The following KCNJ6 variants were observed in gnomAD, a reference collection of about 807,000 sequenced individuals.
KCNJ6 encodes the protein G protein-activated inward rectifier potassium channel 2.
KCNJ6 carries 9 observed loss-of-function variants against 34.2 expected under a neutral mutation model. That is an observed-to-expected ratio of 0.26 (90% confidence interval 0.16 to 0.46). The LOEUF (loss-of-function observed/expected upper bound fraction) is 0.46, where lower values mean the gene tolerates loss of function less well. Ranked by LOEUF, KCNJ6 falls within the 20% of genes least tolerant of loss-of-function variation. The pLI is 1.00. For synonymous variants in KCNJ6, 196 were observed against 207.1 expected (o/e 0.95, Z 0.46); for missense variants, 236 against 531.3 (o/e 0.44, Z 5.46).
intron 1 of KCNJ6, among the ~76,000 whole-genome samples, chr21:37,846,020 A>G (rs2055505184): frequency 6.6e-6 from 1 of 152,150 alleles, no homozygotes; most frequent in South Asian, 2.1e-4. Context: ...ATGTTCACAG[A>G]TGCTGAAAAA....
chr21:37,852,545 G>C (rs1402750646), intron 1 of KCNJ6, among the ~76,000 whole-genome samples: 1 of 152,236 alleles, frequency 6.6e-6, no homozygotes, highest in Middle Eastern at 3.2e-3. Context: ...AGTGAGCAAT[G>C]AGGTGGTTCC....
At chr21:37,688,357 G>A (rs2054624609) in intron 3 of KCNJ6, among the ~76,000 whole-genome samples, 1 of 141,806 alleles carries the variant, frequency 7.1e-6, no homozygotes, top group Non-Finnish European at 1.5e-5. Context: ...AGATACACCC[G>A]TATTTTAAAA....
chr21:37,892,969 C>A (rs190019903), intron 1 of KCNJ6, among the ~76,000 whole-genome samples: 5 of 151,698 alleles, frequency 3.3e-5, no homozygotes, highest in African/African-American at 1.2e-4. Flanking sequence ...TCTCCTGCCT[C>A]AGCCTCCCGA....
intron 2 of KCNJ6, among the ~76,000 whole-genome samples, chr21:37,731,677 A>G (rs751488400): frequency 1.1e-4 from 17 of 152,240 alleles, no homozygotes; most frequent in Non-Finnish European, 2.5e-4. Flanking sequence ...CAGAAGCATG[A>G]AACACCCAAG....
At chr21:37,638,868 T>C (rs1273385302) in intron 3 of KCNJ6, among the ~76,000 whole-genome samples, 1 of 152,220 alleles carries the variant, frequency 6.6e-6, no homozygotes, top group Non-Finnish European at 1.5e-5. Flanking sequence ...AGAATCTGAA[T>C]TCTCAACAAC....
chr21:37,904,114 C>T (rs2055830182), intron 1 of KCNJ6, among the ~76,000 whole-genome samples: 1 of 152,164 alleles, frequency 6.6e-6, no homozygotes, highest in Non-Finnish European at 1.5e-5. Flanking sequence ...CAATGTGATC[C>T]TTTCTATTAG....
intron 1 of KCNJ6, among the ~76,000 whole-genome samples, chr21:37,882,023 T>C (rs2123624429): frequency 6.6e-6 from 1 of 152,292 alleles, no homozygotes; most frequent in East Asian, 1.9e-4. Flanking sequence ...GCCCTGTCTT[T>C]GGAAGCATCC....
intron 1 of KCNJ6, among the ~76,000 whole-genome samples, chr21:37,841,670 T>C (rs1398382105): frequency 6.6e-6 from 1 of 152,266 alleles, no homozygotes; most frequent in African/African-American, 2.4e-5. Flanking sequence ...ATATGTCATA[T>C]ACACATTTTG....
chr21:37,772,478 T>C (rs1186915254), intron 2 of KCNJ6, among the ~76,000 whole-genome samples: 1 of 152,192 alleles, frequency 6.6e-6, no homozygotes, highest in African/African-American at 2.4e-5. Context: ...AGAATCGTCA[T>C]ACTTTTAAAT....
rs1366976876 is a variant in KCNJ6, at chr21:37,623,066, T to C, written c.*2093A>G. 2 of 152,090 alleles carry C rather than the reference T, an allele frequency of 1.3e-5. No homozygotes were observed. Among genetic ancestry groups the C allele is most frequent in the Admixed American group, 1.3e-4 (2 of 15,276 alleles). 9.4% of individuals were successfully genotyped at this position (152,090 alleles called of 1,614,324 possible). A position where few individuals can be genotyped will look rare whatever the true frequency, so the allele number is the denominator to read the frequency against. ...GGACCACCACCTCCTTCTTAGAGTG[T>C]GCGAAATAAAGAAATGATTCAACAG... On this transcript the variant is annotated 3_prime_UTR_variant, in exon 4 of 4. Transcript: ENST00000609713.
intron 1 of KCNJ6, among the ~76,000 whole-genome samples, chr21:37,868,294 C>T (rs868457466): frequency 3.9e-5 from 6 of 152,104 alleles, no homozygotes; most frequent in African/African-American, 7.2e-5. Context: ...ATGAGATCTG[C>T]GATTACAGAG....
At chr21:37,646,618 C>G (rs2054405437) in intron 3 of KCNJ6, among the ~76,000 whole-genome samples, 1 of 152,200 alleles carries the variant, frequency 6.6e-6, no homozygotes, top group Non-Finnish European at 1.5e-5. Flanking sequence ...AGAGCAGGAA[C>G]AGCAGGTACC....
intron 2 of KCNJ6, among the ~76,000 whole-genome samples, chr21:37,837,230 C>G (rs542732203): frequency 6.6e-6 from 1 of 151,892 alleles, no homozygotes; most frequent in African/African-American, 2.4e-5. Flanking sequence ...TGCCCGTCCT[C>G]GTTTCAATAA....
intron 2 of KCNJ6, 107 bp from the exon 3 acceptor site, chr21:37,715,238 G>A (rs754331619): frequency 9.3e-6 from 9 of 967,338 alleles, no homozygotes; most frequent in Non-Finnish European, 1.2e-5. Flanking sequence ...TACCATTTGT[G>A]TAGCTATAAA....
chr21:37,788,339 C>T (rs964882761), intron 2 of KCNJ6, among the ~76,000 whole-genome samples: 5 of 152,128 alleles, frequency 3.3e-5, no homozygotes, highest in Non-Finnish European at 7.4e-5. Flanking sequence ...ATGATGTTCC[C>T]TCTAATTTTC....
Position 37,618,814 on chromosome 21 carries a change from T to C in KCNJ6, c.*6345A>G, listed in dbSNP as rs1176640612. 6.6e-6 allele frequency: 1 copy of C among 152,252 alleles called. No homozygotes were observed. The highest frequency in any genetic ancestry group is 1.5e-5 in the Non-Finnish European group (1 of 68,042). 9.4% of individuals were successfully genotyped at this position (152,252 alleles called of 1,614,324 possible). On this transcript the variant is annotated 3_prime_UTR_variant, in exon 4 of 4. Transcript: ENST00000609713. ...GAAATATTTTTGTGTGCCTTTAAAG[T>C]ATTTTGCCTTCCTTTTCCTAGGACT...
chr21:37,683,186 A>G (rs1709806), intron 3 of KCNJ6, among the ~76,000 whole-genome samples: 134,545 of 152,228 alleles, frequency 0.88, 60,221 homozygotes, highest in Non-Finnish European at 0.95. Flanking sequence ...AATTGGCTAC[A>G]AGACATCACC....
chr21:37,874,745 A>C (rs2055669384), intron 1 of KCNJ6, among the ~76,000 whole-genome samples: 2 of 152,130 alleles, frequency 1.3e-5, no homozygotes, highest in Admixed American at 6.5e-5. Flanking sequence ...CTCAGGCCTC[A>C]ACCTTAGAGT....
intron 3 of KCNJ6, among the ~76,000 whole-genome samples, chr21:37,630,810 AT>A (rs1476790217): frequency 6.6e-6 from 1 of 152,014 alleles, no homozygotes; most frequent in Non-Finnish European, 1.5e-5. Context: ...ACTCTTAGCA[AT>A]TTTTGGGTAT....
Sources: allele counts gnomAD v4.1 joint callset (sites outside exome capture counted in the v4.1 genomes callset), GRCh38; gene constraint gnomAD v4.1.1; transcripts MANE v1.5; gene names NCBI Gene and HGNC (gene_info 2026-07-23, HGNC 2026-07-21).